Variants in SLC12A3 observed in about 807,000 individuals in gnomAD.
The protein encoded by SLC12A3 is Na-Cl cotransporter.
SLC12A3 carries 104 observed loss-of-function variants against 121.0 expected under a neutral mutation model. That is an observed-to-expected ratio of 0.86 (90% CI 0.73 to 1.01). The LOEUF is 1.01. Ranked by LOEUF, SLC12A3 falls within the 50% of genes least tolerant of loss-of-function variation. The probability of loss-of-function intolerance (pLI) is 0.00; values close to 1 mark genes in which losing one functional copy is unlikely to be tolerated. For missense variants in SLC12A3, 1,328 were observed against 1,356.3 expected (o/e 0.98, Z 0.33); for synonymous variants, 536 against 533.4 (o/e 1.00, Z -0.07).
Position 56,892,146 on chromosome 16 carries a change from C to T in SLC12A3, c.2419+13C>T, listed in dbSNP as rs778094361. ...GCCAGCGCCAGAGGTGCCAGGCCAT[C>T]AGTCTCTGGCGCTTGTCAGTGTTCC... On this transcript the variant is annotated intron_variant, in intron 20 of 25. Coordinates refer to ENST00000563236, the MANE Select transcript of SLC12A3 (RefSeq NM_001126108.2). 2 of 1,613,002 alleles carry T rather than the reference C, an allele frequency of 1.2e-6. No individual in the cohort carries two copies. The highest frequency in any genetic ancestry group is 2.2e-5 in the South Asian group (2 of 91,012).
intron 12 of SLC12A3, among the ~76,000 whole-genome samples, chr16:56,881,855 C>A (rs914222892): frequency 6.6e-6 from 1 of 152,056 alleles, no homozygotes; most frequent in African/African-American, 2.4e-5. Context: ...TCGAGACCAG[C>A]CTGGCCAACA....
chr16:56,885,227 A>T, intron 14 of SLC12A3, 38 bp from the exon 15 acceptor site: 1 of 1,225,948 alleles, frequency 8.2e-7, no homozygotes, highest in Non-Finnish European at 1.2e-6. Context: ...GTGATTCCTA[A>T]CTCTGCTCTC....
intron 23 of SLC12A3, among the ~76,000 whole-genome samples, chr16:56,900,065 A>C (rs2055517632): frequency 6.6e-6 from 1 of 152,166 alleles, no homozygotes; most frequent in African/African-American, 2.4e-5. Flanking sequence ...GTATTTTGTC[A>C]ATCAGTGTGC....
Position 56,913,538 on chromosome 16 carries a change from A to G in SLC12A3, c.*133A>G, listed in dbSNP as rs2055715098. 2 of 946,080 alleles carry G rather than the reference A, an allele frequency of 2.1e-6. No individual in the cohort carries two copies. The highest frequency in any genetic ancestry group is 1.6e-5 in the African/African-American group (1 of 62,208). 58.6% of individuals were successfully genotyped at this position (946,080 alleles called of 1,614,324 possible). Reference sequence around the variant, plus strand: ...TGGCAGCATCTGATGATCTCACCGAAAAAGATGGTAGATTTCCAAATCTGG... The same window carrying G: ...TGGCAGCATCTGATGATCTCACCGAGAAAGATGGTAGATTTCCAAATCTGG... On this transcript the variant is annotated 3_prime_UTR_variant, in exon 26 of 26. Transcript: ENST00000563236.
At chr16:56,902,941 T>C (rs1266912781) in intron 24 of SLC12A3, among the ~76,000 whole-genome samples, 1 of 150,622 alleles carries the variant, frequency 6.6e-6, no homozygotes, top group Non-Finnish European at 1.5e-5. Context: ...AGGTCAGGAG[T>C]TCAAGACCAG....
intron 18 of SLC12A3, among the ~76,000 whole-genome samples, chr16:56,890,053 T>C (rs971248530): frequency 2.6e-5 from 4 of 152,200 alleles, no homozygotes; most frequent in African/African-American, 9.7e-5. Flanking sequence ...GAGTACCGGA[T>C]CTGCAGGATC....
rs11342916 is a variant in SLC12A3 at position 56,890,902 on chromosome 16, C to CAA, written c.2368+560_2368+561dup. ...GGGTGACAAGAGCAAGACTCCATCT[C>CAA]AAAAAAAAAAAAAAAGATGTAATAG... On this transcript the variant is annotated intron_variant, in intron 19 of 25. Transcript: ENST00000563236. Among the ~76,000 whole-genome samples, 27 of 122,070 alleles carry CAA rather than the reference C, an allele frequency of 2.2e-4. No individual in the cohort carries two copies. The East Asian group carries it at 5.5e-3, about 25-fold the overall frequency. The allele number at this position is 122,070 out of a possible 152,430, so 80.1% of individuals were successfully genotyped here. A position where few individuals can be genotyped will look rare whatever the true frequency, so the allele number is the denominator to read the frequency against.
chr16:56,884,725 TGGCAA>T lies in SLC12A3; in HGVS notation c.1825+526_1825+530del, dbSNP rs1399339964. Among the ~76,000 whole-genome samples, 3 of 152,272 alleles carry T rather than the reference TGGCAA, an allele frequency of 2.0e-5. No individual in the cohort carries two copies. The East Asian group carries it at 5.8e-4, about 29-fold the overall frequency. On this transcript the variant is annotated intron_variant, in intron 14 of 25. Transcript: ENST00000563236. ...GGGCTTCTAGGCCATTGCAAAGGTT[TGGCAA>T]GGCAGGAGGATATCGTGTGGAGCTT...
chr16:56,879,184 C>T lies in SLC12A3; in HGVS notation c.1292C>T (p.Thr431Ile). The T allele has an allele frequency of 6.2e-7, 1 of 1,613,218 alleles. No individual in the cohort carries two copies. ...TATGGCTGGAACTTCACCGAGTGCA[C>T]CCAGCAGCACAGCTGCCACTACGGC... ...CSYGWNFTEC[T>I]QQHSCHYGLI... Residue 431 changes from threonine (T) to isoleucine (I), a missense_variant, in exon 10 of 26, where the codon ACC becomes ATC. Coordinates refer to ENST00000563236, the MANE Select transcript of SLC12A3 (RefSeq NM_001126108.2).
At chr16:56,908,979 C>T (rs2055647334) in intron 25 of SLC12A3, among the ~76,000 whole-genome samples, 2 of 152,216 alleles carry the variant, frequency 1.3e-5, no homozygotes, top group African/African-American at 2.4e-5. Flanking sequence ...TTTGTCTATG[C>T]GATTAGCCCA....
intron 23 of SLC12A3, among the ~76,000 whole-genome samples, chr16:56,901,060 TC>T (rs1212484354): frequency 6.6e-6 from 1 of 152,120 alleles, no homozygotes; most frequent in Non-Finnish European, 1.5e-5. Flanking sequence ...GAGTCCTCTC[TC>T]TCTCTACCTT....
At chr16:56,865,633 C>G in intron 1 of SLC12A3, 116 bp downstream of exon 1, 1 of 1,180,198 alleles carries the variant, frequency 8.5e-7, no homozygotes, top group Non-Finnish European at 1.2e-6. Flanking sequence ...GGAGCGTCTT[C>G]TTCCTGGGTT....
In SLC12A3 at chr16:56,880,935, G is replaced by A. The variant is rs141118256; in HGVS notation, c.1567+682G>A. ...AGATGGGCAGGAAGAGACCACCTGT[G>A]CAGGAAGACCTACATGCATTCATAT... On this transcript the variant is annotated intron_variant, in intron 12 of 25. Coordinates refer to ENST00000563236, the MANE Select transcript of SLC12A3 (RefSeq NM_001126108.2). 7.6e-3 allele frequency among the ~76,000 whole-genome samples: 1,161 copies of A among 152,336 alleles called. 6 individuals are homozygous for A. Among genetic ancestry groups the A allele is most frequent in the Non-Finnish European group, 0.011 (757 of 68,036 alleles).
intron 21 of SLC12A3, 147 bp downstream of exon 21, chr16:56,893,201 C>A: frequency 1.5e-6 from 1 of 645,286 alleles, no homozygotes; most frequent in Non-Finnish European, 2.8e-6. Context: ...AGGGACCCCT[C>A]TGTCTGGCCT....
At position 56,887,044 on chromosome 16, in the gene SLC12A3, C is replaced by T. The variant is rs546999572; in HGVS notation, c.2129C>T (p.Ser710Leu). 6.7e-5 allele frequency: 108 copies of T among 1,614,000 alleles called. No homozygotes were observed. Among genetic ancestry groups the T allele is most frequent in the South Asian group, 1.1e-4 (10 of 91,082 alleles). The change falls in exon 17 of 26, where the codon TCG (serine) becomes TTG (leucine). Residue 710 changes from serine (S) to leucine (L), a missense_variant. By Grantham distance (145) the Ser-to-Leu change is moderately radical (BLOSUM62 -2). Transcript: ENST00000563236. Reference protein sequence around the residue: ...LNKRKIKAFYSDVIAEDLRRG... With the variant: ...LNKRKIKAFYLDVIAEDLRRG... ...AAGAGGAAGATCAAGGCCTTCTACT[C>T]GGATGTCATTGCCGAGGACCTCCGC...
intron 1 of SLC12A3, among the ~76,000 whole-genome samples, chr16:56,866,543 GATA>G (rs1345165413): frequency 2.0e-5 from 3 of 152,198 alleles, no homozygotes; most frequent in Non-Finnish European, 4.4e-5. Flanking sequence ...TCTCCAGGGT[GATA>G]ATAATCCTGT....
At chr16:56,885,465 C>T in intron 15 of SLC12A3, 101 bp downstream of exon 15, 1 of 792,728 alleles carries the variant, frequency 1.3e-6, no homozygotes, top group Non-Finnish European at 2.2e-6. Context: ...CAGGCAGACC[C>T]AGGGTATGTG....
chr16:56,891,415 A>G (rs1226965795), intron 19 of SLC12A3, among the ~76,000 whole-genome samples: 1 of 151,248 alleles, frequency 6.6e-6, no homozygotes, highest in East Asian at 1.9e-4. Context: ...GAGGTGTGAA[A>G]GCAATAACGT....
intron 16 of SLC12A3, 74 bp from the exon 17 acceptor site, chr16:56,886,879 G>A (rs112208062): frequency 6.2e-7 from 1 of 1,602,692 alleles, no homozygotes; most frequent in Admixed American, 1.7e-5. Flanking sequence ...CAGCCTCCAG[G>A]GCAGGAGAGG....
Sources: allele counts gnomAD v4.1 joint callset (sites outside exome capture counted in the v4.1 genomes callset), GRCh38; gene constraint gnomAD v4.1.1; transcripts MANE v1.5; gene names NCBI Gene and HGNC (gene_info 2026-07-23, HGNC 2026-07-21).